SCAPER: variants seen among roughly 807,000 people sequenced by gnomAD.
The protein encoded by SCAPER is S-phase cyclin A associated protein in the ER.
Under a neutral mutation model 182.2 loss-of-function variants are expected in SCAPER, and 98 were observed. That is an observed-to-expected ratio of 0.54 (90% CI 0.46 to 0.64). The LOEUF (loss-of-function observed/expected upper bound fraction) is 0.64, where lower values mean the gene tolerates loss of function less well. SCAPER is among the 30% of genes least tolerant of loss of function. SCAPER has a pLI of 0.00. For synonymous variants in SCAPER, 605 were observed against 564.6 expected, an observed-to-expected ratio of 1.07 and a Z score of -1.01; for missense variants, 1,432 against 1,690.0, an observed-to-expected ratio of 0.85 and a Z score of 2.68.
rs118015752 is a variant in SCAPER at position 76,642,579 on chromosome 15, C to A, written c.2646-20750G>T. On this transcript the variant is annotated intron_variant, in intron 21 of 31. Transcript: ENST00000563290. ...CTTCATACCTGGATCAGTAAAATAA[C>A]CTGCTATTCACCATGTTCTCAACCT... Among the ~76,000 whole-genome samples, 1,493 of 152,154 alleles carry A rather than the reference C, an allele frequency of 9.8e-3. 13 individuals carry two copies. Among genetic ancestry groups the A allele is most frequent in the Non-Finnish European group, 0.016 (1,087 of 68,004 alleles).
intron 23 of SCAPER, among the ~76,000 whole-genome samples, chr15:76,572,760 C>T (rs561661278): frequency 1.2e-4 from 18 of 152,208 alleles, no homozygotes; most frequent in African/African-American, 4.3e-4. Context: ...GGGCAGCAAT[C>T]TGTGTTTTAA....
intron 20 of SCAPER, among the ~76,000 whole-genome samples, chr15:76,668,858 T>C (rs2146818261): frequency 6.6e-6 from 1 of 152,338 alleles, no homozygotes; most frequent in African/African-American, 2.4e-5. Flanking sequence ...CTAATAATAG[T>C]ATTTTTCAGC....
intron 20 of SCAPER, among the ~76,000 whole-genome samples, chr15:76,679,981 T>C (rs747675973): frequency 1.5e-4 from 23 of 152,218 alleles, no homozygotes; most frequent in Non-Finnish European, 3.4e-4. Context: ...AGGTGTTTTC[T>C]CAGAATTCTC....
chr15:76,380,218 TG>T (rs1470824489), intron 28 of SCAPER: 1 of 152,194 alleles, frequency 6.6e-6, no homozygotes, highest in African/African-American at 2.4e-5. Flanking sequence ...TGACATTTTT[TG>T]GAGCAGATAT....
Position 76,404,521 on chromosome 15 carries a change from T to C in SCAPER, c.3467+3A>G, listed in dbSNP as rs1333487775. ...CTAGATTGAGATCAAGTAGATGCCT[T>C]ACCTTCCAGTGACAGCAAAGCACAG... On this transcript the variant is annotated splice_donor_region_variant and intron_variant, in intron 27 of 31. Transcript: ENST00000563290. 1.3e-6 allele frequency: 2 copies of C among 1,596,612 alleles called. No individual in the cohort carries two copies. Among genetic ancestry groups the C allele is most frequent in the Admixed American group, 1.7e-5 (1 of 58,980 alleles).
intron 21 of SCAPER, among the ~76,000 whole-genome samples, chr15:76,658,514 C>T (rs779500289): frequency 3.3e-5 from 5 of 152,072 alleles, no homozygotes; most frequent in Admixed American, 6.6e-5. Context: ...CAATTCTATT[C>T]CCATCAAACT....
chr15:76,377,598 G>C (rs2042655716), intron 28 of SCAPER, among the ~76,000 whole-genome samples: 1 of 152,176 alleles, frequency 6.6e-6, no homozygotes, highest in African/African-American at 2.4e-5. Context: ...TGTAAAAACT[G>C]TCAAACTGAA....
At chr15:76,601,234 C>T (rs1167972219) in intron 22 of SCAPER, among the ~76,000 whole-genome samples, 1 of 120,940 alleles carries the variant, frequency 8.3e-6, no homozygotes, top group African/African-American at 2.5e-5. Flanking sequence ...CTTATTTAGC[C>T]TGGTTATTTG....
intron 20 of SCAPER, among the ~76,000 whole-genome samples, chr15:76,696,546 T>C (rs1157000163): frequency 6.6e-6 from 1 of 152,088 alleles, no homozygotes; most frequent in Non-Finnish European, 1.5e-5. Context: ...CTTTTAAAGC[T>C]AATGAATCTC....
chr15:76,793,381 G>T, intron 8 of SCAPER: 3 of 644,550 alleles, frequency 4.7e-6, no homozygotes, highest in Non-Finnish European at 8.4e-6. Context: ...CTTCAGGATG[G>T]AAGCTGGTCA....
At chr15:76,574,499 G>A (rs1238153634) in intron 22 of SCAPER, among the ~76,000 whole-genome samples, 1 of 152,154 alleles carries the variant, frequency 6.6e-6, no homozygotes, top group Non-Finnish European at 1.5e-5. Context: ...AACAGAACTA[G>A]AGGATAGTAT....
At chr15:76,413,196 G>A (rs1215550978) in intron 26 of SCAPER, among the ~76,000 whole-genome samples, 1 of 151,754 alleles carries the variant, frequency 6.6e-6, no homozygotes, top group East Asian at 1.9e-4. Flanking sequence ...GTTTTATTTT[G>A]TCCTTTACAA....
intron 28 of SCAPER, among the ~76,000 whole-genome samples, chr15:76,376,864 T>G (rs2042604156): frequency 6.6e-6 from 1 of 152,042 alleles, no homozygotes; most frequent in African/African-American, 2.4e-5. Context: ...AAACAAAAAA[T>G]TCTCCCTAAA....
At position 76,684,275 on chromosome 15, in the gene SCAPER, T is replaced by TA. The variant is rs34378800; in HGVS notation, c.2508+17482dup. ...AAAAGGCACAGAGTGGCAAGCTGGA[T>TA]AAAAAAGCAAGACCCAATTACATGC... On this transcript the variant is annotated intron_variant, in intron 20 of 31. Coordinates refer to ENST00000563290, the MANE Select transcript of SCAPER (RefSeq NM_020843.4). 5.8e-3 allele frequency among the ~76,000 whole-genome samples: 877 copies of TA among 152,222 alleles called. 8 individuals are homozygous for TA. Among genetic ancestry groups the TA allele is most frequent in the Non-Finnish European group, 9.1e-3 (622 of 68,004 alleles).
intron 1 of SCAPER, among the ~76,000 whole-genome samples, chr15:76,897,879 T>G (rs190835143): frequency 2.0e-5 from 3 of 152,248 alleles, no homozygotes; most frequent in Admixed American, 2.0e-4. Flanking sequence ...CCTTTTTTTT[T>G]AGGTAAATTC....
At chr15:76,674,386 G>T (rs949091039) in intron 20 of SCAPER, among the ~76,000 whole-genome samples, 3 of 152,142 alleles carry the variant, frequency 2.0e-5, no homozygotes, top group Non-Finnish European at 2.9e-5. Context: ...AGAGGACAAA[G>T]AAATATTGCA....
At chr15:76,648,887 G>A (rs1382017746) in intron 21 of SCAPER, among the ~76,000 whole-genome samples, 1 of 152,198 alleles carries the variant, frequency 6.6e-6, no homozygotes, top group Non-Finnish European at 1.5e-5. Flanking sequence ...AGTAAGGCAG[G>A]CAACATGGCA....
At chr15:76,451,643 C>T (rs544255440) in intron 25 of SCAPER, among the ~76,000 whole-genome samples, 2 of 152,274 alleles carry the variant, frequency 1.3e-5, no homozygotes, top group Admixed American at 6.5e-5. Flanking sequence ...ATGAACTGAA[C>T]AAGAGCAGAG....
At chr15:76,842,655 T>C (rs915578089) in intron 4 of SCAPER, among the ~76,000 whole-genome samples, 1 of 152,174 alleles carries the variant, frequency 6.6e-6, no homozygotes, top group African/African-American at 2.4e-5. Flanking sequence ...CAATCCCCCA[T>C]GGATACTGAG....
Sources: allele counts gnomAD v4.1 joint callset (sites outside exome capture counted in the v4.1 genomes callset), GRCh38; gene constraint gnomAD v4.1.1; transcripts MANE v1.5; gene names NCBI Gene and HGNC (gene_info 2026-07-23, HGNC 2026-07-21).